MLN: variants seen among roughly 807,000 people sequenced by gnomAD.
MLN encodes the protein motilin.
A neutral mutation model predicts 13.3 loss-of-function variants in MLN; 14 were observed. That is an observed-to-expected ratio of 1.05 (90% CI 0.69 to 1.64). The LOEUF (loss-of-function observed/expected upper bound fraction) is 1.64, where lower values mean the gene tolerates loss of function less well. Ranked by LOEUF, MLN falls within the 40% of genes most tolerant of loss-of-function variation. MLN has a pLI of 0.00. For missense variants in MLN, 122 were observed against 142.9 expected (o/e 0.85, Z 0.75); for synonymous variants, 59 against 54.7 (o/e 1.08, Z -0.34).
At position 33,799,022 on chromosome 6, in the gene MLN, C is replaced by T; in HGVS notation, c.234+83G>A. 1 of 946,958 alleles carries T rather than the reference C, an allele frequency of 1.1e-6. No homozygotes were observed. The highest frequency in any genetic ancestry group is 1.7e-6 in the Non-Finnish European group (1 of 600,568). The allele number at this position is 946,958 out of a possible 1,614,324, so 58.7% of individuals were successfully genotyped here. A position where few individuals can be genotyped will look rare whatever the true frequency, so the allele number is the denominator to read the frequency against. ...TAGGACACTCTGAGGCTCACTGTGG[C>T]TTGTGGGCTCTGCCTCCAGGCCAGG... On this transcript the variant is annotated intron_variant, in intron 3 of 4. Transcript: ENST00000430124. The surrounding 1 kb of genome is among the most constrained non-coding windows in gnomAD (Gnocchi z 4.6).
chr6:33,802,474 AACAG>A (rs1760865302), intron 1 of MLN, among the ~76,000 whole-genome samples: 1 of 152,098 alleles, frequency 6.6e-6, no homozygotes, highest in Non-Finnish European at 1.5e-5. Context: ...TCCCCCTTTG[AACAG>A]AACCTTCCAA....
intron 1 of MLN, among the ~76,000 whole-genome samples, chr6:33,801,492 C>T (rs1199640561): frequency 6.6e-6 from 1 of 152,218 alleles, no homozygotes; most frequent in African/African-American, 2.4e-5. Context: ...GTCAGCTGGA[C>T]TCATAAGGCA....
Position 33,802,177 on chromosome 6 carries a change from G to A in MLN, c.-7-1007C>T, listed in dbSNP as rs757669769. Among the ~76,000 whole-genome samples the A allele has an allele frequency of 1.1e-4, 17 of 152,272 alleles. No individual in the cohort carries two copies. In the East Asian group the frequency reaches 1.4e-3, roughly 12 times the overall value. ...TGCTTTTCCCAATACCCCACTCTAC[G>A]TTGCCTCTGCCCATAGTAGGCAGAG... On this transcript the variant is annotated intron_variant, in intron 1 of 4. Coordinates refer to ENST00000430124, the MANE Select transcript of MLN (RefSeq NM_002418.3).
rs77970736 is a variant in MLN at position 33,803,149 on chromosome 6, C to T, written c.-8+804G>A. On this transcript the variant is annotated intron_variant, in intron 1 of 4. Transcript: ENST00000430124. This position sits in a 1 kb window ranked among gnomAD's most constrained non-coding sequence, Gnocchi z 4.5. ...TACAGTGAGGCACTAACTTTCCTTT[C>T]CCATCATCAGAGATGGGGGGCTTCA... Among the ~76,000 whole-genome samples, 578 of 152,208 alleles carry T rather than the reference C, an allele frequency of 3.8e-3. No homozygotes were observed. The highest frequency in any genetic ancestry group is 0.012 in the African/African-American group (503 of 41,520).
chr6:33,798,558 T>G (rs1291127607), intron 3 of MLN, among the ~76,000 whole-genome samples: 2 of 152,218 alleles, frequency 1.3e-5, no homozygotes, highest in African/African-American at 4.8e-5. Context: ...GCTTCTTGCC[T>G]CCACTCATGC....
chr6:33,798,598 T>C (rs1767976459), intron 3 of MLN, among the ~76,000 whole-genome samples: 1 of 152,204 alleles, frequency 6.6e-6, no homozygotes, highest in South Asian at 2.1e-4. Context: ...CTCCGGTGGC[T>C]TCCCTGCTTT....
rs543850255 is a variant in MLN, at chr6:33,803,277, G to C, written c.-8+676C>G. ...GCCTCCCCATGTGCTCTCCCTCGGG[G>C]TCAACTTTTTCTTTTCCTTTTCTTT... On this transcript the variant is annotated intron_variant, in intron 1 of 4. Transcript: ENST00000430124. The surrounding 1 kb of genome is among the most constrained non-coding windows in gnomAD (Gnocchi z 4.5). 1.3e-5 allele frequency among the ~76,000 whole-genome samples: 2 copies of C among 151,186 alleles called. No homozygotes were observed. Among genetic ancestry groups the C allele is most frequent in the Non-Finnish European group, 2.9e-5 (2 of 67,808 alleles).
At chr6:33,800,292 G>C (rs532670143) in intron 2 of MLN, among the ~76,000 whole-genome samples, 7 of 152,310 alleles carry the variant, frequency 4.6e-5, no homozygotes, top group Admixed American at 2.0e-4. Context: ...CCAAACATCT[G>C]CATAGATACT....
intron 2 of MLN, among the ~76,000 whole-genome samples, chr6:33,800,783 G>A (rs749549837): frequency 2.0e-5 from 3 of 152,250 alleles, no homozygotes; most frequent in East Asian, 3.8e-4. Flanking sequence ...GTGGCCTCTT[G>A]TACTGCAGAG....
In MLN at chr6:33,799,324, C is replaced by A; in HGVS notation, c.118-103G>T. 1 of 719,514 alleles carries A rather than the reference C, an allele frequency of 1.4e-6. No individual in the cohort carries two copies. Among genetic ancestry groups the A allele is most frequent in the South Asian group, 2.1e-5 (1 of 47,688 alleles). The allele number at this position is 719,514 out of a possible 1,614,324, so 44.6% of individuals were successfully genotyped here. A position where few individuals can be genotyped will look rare whatever the true frequency, so the allele number is the denominator to read the frequency against. ...CCCAGGGTGCTGTCTGCCCTGAGCT[C>A]CCTACAGACTGAAAGAACCCTTTCC... On this transcript the variant is annotated intron_variant, in intron 2 of 4. Transcript: ENST00000430124. The surrounding 1 kb of genome is among the most constrained non-coding windows in gnomAD (Gnocchi z 4.6).
At chr6:33,800,026 G>A (rs3793080) in intron 2 of MLN, among the ~76,000 whole-genome samples, 22,604 of 152,176 alleles carry the variant, frequency 0.15, 1,820 homozygotes, top group Middle Eastern at 0.25. Context: ...GCCTGCTGCA[G>A]TACCTACCCA....
At chr6:33,798,791 A>C (rs953527060) in intron 3 of MLN, among the ~76,000 whole-genome samples, 1 of 152,060 alleles carries the variant, frequency 6.6e-6, no homozygotes, top group Non-Finnish European at 1.5e-5. Flanking sequence ...CCTTCCCTTC[A>C]TTCAGGTTTC....
Position 33,799,455 on chromosome 6 carries a change from G to A in MLN, c.118-234C>T, listed in dbSNP as rs901876217. 1.3e-5 allele frequency among the ~76,000 whole-genome samples: 2 copies of A among 152,194 alleles called. No homozygotes were observed. Among genetic ancestry groups the A allele is most frequent in the Non-Finnish European group, 2.9e-5 (2 of 68,026 alleles). ...TTGCTCTTCAAGGTCAACTTGAAGA[G>A]GAATCCATTCCTTTGTAGTTAAAAC... On this transcript the variant is annotated intron_variant, in intron 2 of 4. Transcript: ENST00000430124. This position sits in a 1 kb window ranked among gnomAD's most constrained non-coding sequence, Gnocchi z 4.6.
chr6:33,800,142 G>A (rs372750255), intron 2 of MLN, among the ~76,000 whole-genome samples: 20 of 152,302 alleles, frequency 1.3e-4, no homozygotes, highest in African/African-American at 4.8e-4. Flanking sequence ...ACATAAAGTG[G>A]GCAGTTGCAG....
At chr6:33,795,907 T>TC (rs1342344815) in intron 3 of MLN, among the ~76,000 whole-genome samples, 3 of 149,476 alleles carry the variant, frequency 2.0e-5, no homozygotes, top group Admixed American at 1.3e-4. Context: ...GGGAATTCAC[T>TC]CCCACCTCAA....
In MLN at chr6:33,799,207, A is replaced by G. The variant is rs1389611125; in HGVS notation, c.132T>C (p.Asn44=). The part of the protein sequence containing the change: ...ELQRMQEKER[N]KGQKKSLSVW... ...CACTCAGGGATTTCTTTTGCCCTTT[A>G]TTCCGTTCCTTTTCCTAGGGGCAGA... Residue 44 remains asparagine (N), a synonymous_variant, in exon 3 of 5, where the codon AAT becomes AAC. Transcript: ENST00000430124. This position sits in a 1 kb window ranked among gnomAD's most constrained non-coding sequence, Gnocchi z 4.6. The G allele has an allele frequency of 2.5e-6, 4 of 1,610,742 alleles. No individual in the cohort carries two copies. Among genetic ancestry groups the G allele is most frequent in the Non-Finnish European group, 3.4e-6 (4 of 1,177,564 alleles).
chr6:33,798,292 G>T (rs1024242970), intron 3 of MLN, among the ~76,000 whole-genome samples: 5 of 152,226 alleles, frequency 3.3e-5, no homozygotes, highest in African/African-American at 9.7e-5. Flanking sequence ...CAAGGGCAGA[G>T]ATTTTGTCTG....
rs1485001707 is a variant in MLN at position 33,803,400 on chromosome 6, C to G, written c.-8+553G>C. ...TCGGCTCACTGCAACCTCTGCCTCC[C>G]AGGTTCAAGCGATTCTTCTGCCTCA... is the stretch of plus-strand genomic sequence containing the variant. On this transcript the variant is annotated intron_variant, in intron 1 of 4. Coordinates refer to ENST00000430124, the MANE Select transcript of MLN (RefSeq NM_002418.3). The surrounding 1 kb of genome is among the most constrained non-coding windows in gnomAD (Gnocchi z 4.5). 6.6e-6 allele frequency among the ~76,000 whole-genome samples: 1 copy of G among 151,792 alleles called. No homozygotes were observed.
intron 3 of MLN, among the ~76,000 whole-genome samples, chr6:33,797,471 G>C (rs996124007): frequency 6.6e-6 from 1 of 152,178 alleles, no homozygotes; most frequent in Non-Finnish European, 1.5e-5. Flanking sequence ...GGCCCGATCT[G>C]ACTCCCTGAT....
Sources: allele counts gnomAD v4.1 joint callset (sites outside exome capture counted in the v4.1 genomes callset), GRCh38; gene constraint gnomAD v4.1.1; non-coding constraint Gnocchi (gnomAD v3.1); transcripts MANE v1.5; gene names NCBI Gene and HGNC (gene_info 2026-07-23, HGNC 2026-07-21).